The following RPA3 variants were observed in gnomAD, a reference collection of about 807,000 sequenced individuals.
RPA3 encodes replication protein A3, also known as replication protein A 14 kDa subunit.
RPA3 carries 24 observed loss-of-function variants against 13.7 expected under a neutral mutation model. The ratio of observed to expected loss-of-function variants is 1.75; its 90% CI spans 1.27 to 2.46. RPA3 has a LOEUF of 2.46. Among genes scored for constraint, RPA3 ranks in the 30% most tolerant of loss-of-function variants. The pLI is 0.00. For missense variants in RPA3, 183 were observed against 151.0 expected (o/e 1.21, Z -1.11); for synonymous variants, 59 against 51.2 (o/e 1.15, Z -0.65).
intron 4 of RPA3, among the ~76,000 whole-genome samples, chr7:7,672,152 G>A (rs28915991): frequency 2.5e-4 from 38 of 152,140 alleles, no homozygotes; most frequent in Middle Eastern, 3.2e-3. Context: ...TGAAATATAT[G>A]AAAACTAAAA....
intron 6 of RPA3, chr7:7,638,256 G>T: frequency 3.5e-6 from 1 of 282,412 alleles, no homozygotes; most frequent in Non-Finnish European, 6.9e-6. Context: ...TCTATAAGCA[G>T]TAATATCCTA....
chr7:7,656,279 C>CT (rs1785340024), intron 4 of RPA3, among the ~76,000 whole-genome samples: 1 of 152,028 alleles, frequency 6.6e-6, no homozygotes, highest in Non-Finnish European at 1.5e-5. Context: ...AAGTCTCTTG[C>CT]TGTTAGTAAA....
At chr7:7,669,569 T>A (rs568113390) in intron 4 of RPA3, among the ~76,000 whole-genome samples, 1 of 152,326 alleles carries the variant, frequency 6.6e-6, no homozygotes, top group African/African-American at 2.4e-5. Flanking sequence ...GATACATGGT[T>A]AGACTGACCT....
intron 4 of RPA3, among the ~76,000 whole-genome samples, chr7:7,659,564 C>T (rs1248647244): frequency 6.6e-6 from 1 of 152,022 alleles, no homozygotes; most frequent in African/African-American, 2.4e-5. Context: ...CGTTATTTAC[C>T]CAGTAGTCAT....
At position 7,637,094 on chromosome 7, in the gene RPA3, A is replaced by C. The variant is rs1255753944; in HGVS notation, c.284-12T>G. On this transcript the variant is annotated splice_polypyrimidine_tract_variant and intron_variant, in intron 7 of 7. Transcript: ENST00000223129. ...GTAAAGTCCAAGATCTGAAAGAAAC[A>C]TTTAAGCAAACATTTAATCTACAAT... 6.4e-7 allele frequency: 1 copy of C among 1,552,978 alleles called. No homozygotes were observed. The highest frequency in any genetic ancestry group is 8.9e-7 in the Non-Finnish European group (1 of 1,125,704).
intron 4 of RPA3, among the ~76,000 whole-genome samples, chr7:7,657,710 T>C (rs1785376473): frequency 6.6e-6 from 1 of 152,246 alleles, no homozygotes; most frequent in Non-Finnish European, 1.5e-5. Flanking sequence ...TTTTGGTTAC[T>C]GTAGTCTTGT....
At chr7:7,650,205 C>T (rs1000091289) in intron 4 of RPA3, among the ~76,000 whole-genome samples, 4 of 152,156 alleles carry the variant, frequency 2.6e-5, no homozygotes, top group African/African-American at 9.7e-5. Context: ...CCACAATTTA[C>T]GTTCTTGTAA....
intron 2 of RPA3, among the ~76,000 whole-genome samples, chr7:7,711,949 G>A (rs1054964559): frequency 1.3e-5 from 2 of 151,934 alleles, no homozygotes; most frequent in Non-Finnish European, 2.9e-5. Flanking sequence ...ATAGCGATCC[G>A]ATTTTAATTT....
At position 7,706,001 on chromosome 7, in the gene RPA3, T is replaced by C. The variant is rs28912698; in HGVS notation, c.-1028+9174A>G. 5.4e-4 allele frequency among the ~76,000 whole-genome samples: 82 copies of C among 152,288 alleles called. 2 individuals carry two copies. In the East Asian group the frequency reaches 0.015, roughly 28 times the overall value. ...AAAAGGTATGTGTACTCTATAATCTTTTATTAGAAATCTTTGTTGCTATTT... is the reference window on the plus strand; with the variant it reads ...AAAAGGTATGTGTACTCTATAATCTCTTATTAGAAATCTTTGTTGCTATTT... On this transcript the variant is annotated intron_variant, in intron 2 of 7. Coordinates refer to ENST00000223129, the MANE Select transcript of RPA3 (RefSeq NM_002947.5).
chr7:7,681,020 GA>G (rs1384279982), intron 4 of RPA3, among the ~76,000 whole-genome samples: 2 of 151,962 alleles, frequency 1.3e-5, no homozygotes, highest in African/African-American at 4.8e-5. Context: ...GTACATTACA[GA>G]AAAATAAATA....
At chr7:7,703,095 A>G (rs760907515) in intron 2 of RPA3, among the ~76,000 whole-genome samples, 5 of 152,196 alleles carry the variant, frequency 3.3e-5, no homozygotes, top group Admixed American at 6.5e-5. Flanking sequence ...CTTCCTTGCC[A>G]AACCTTCACT....
At chr7:7,711,956 AT>A (rs572913986) in intron 2 of RPA3, among the ~76,000 whole-genome samples, 2 of 151,200 alleles carry the variant, frequency 1.3e-5, no homozygotes, top group Admixed American at 6.6e-5. Context: ...TCCGATTTTA[AT>A]TTTTTTTTGT....
intron 2 of RPA3, among the ~76,000 whole-genome samples, chr7:7,697,810 G>C (rs1422367344): frequency 6.6e-6 from 1 of 151,986 alleles, no homozygotes; most frequent in East Asian, 1.9e-4. Flanking sequence ...ATGTACTCTT[G>C]GGTATCCATC....
At chr7:7,690,317 T>A (rs1247017931) in intron 2 of RPA3, among the ~76,000 whole-genome samples, 1 of 152,018 alleles carries the variant, frequency 6.6e-6, no homozygotes, top group Non-Finnish European at 1.5e-5. Flanking sequence ...GGAGAAAAAT[T>A]GAAGTGTATA....
At chr7:7,672,896 CT>C (rs1779642329) in intron 4 of RPA3, among the ~76,000 whole-genome samples, 1 of 152,150 alleles carries the variant, frequency 6.6e-6, no homozygotes, top group Non-Finnish European at 1.5e-5. Context: ...TGGCCTTAGT[CT>C]TATGAGGCTT....
At chr7:7,709,818 A>C (rs1209190650) in intron 2 of RPA3, among the ~76,000 whole-genome samples, 3 of 152,130 alleles carry the variant, frequency 2.0e-5, no homozygotes, top group Admixed American at 2.0e-4. Flanking sequence ...ATTCAGAATG[A>C]CAATGTGATG....
At chr7:7,645,676 T>C (rs958807716) in intron 4 of RPA3, among the ~76,000 whole-genome samples, 12 of 152,170 alleles carry the variant, frequency 7.9e-5, no homozygotes, top group African/African-American at 2.2e-4. Context: ...ATCAAATGCA[T>C]TTTTTGCCTT....
chr7:7,673,477 T>A, intron 4 of RPA3: 1 of 739,518 alleles, frequency 1.4e-6, no homozygotes, highest in Non-Finnish European at 2.4e-6. Context: ...AGAAACAAAA[T>A]AATTAGATGA....
intron 2 of RPA3, among the ~76,000 whole-genome samples, chr7:7,688,736 T>G (rs1442042631): frequency 6.6e-6 from 1 of 152,216 alleles, no homozygotes; most frequent in Non-Finnish European, 1.5e-5. Flanking sequence ...CCAATTATGT[T>G]GTAACCTCCT....
Sources: allele counts gnomAD v4.1 joint callset (sites outside exome capture counted in the v4.1 genomes callset), GRCh38; gene constraint gnomAD v4.1.1; transcripts MANE v1.5; gene names NCBI Gene and HGNC (gene_info 2026-07-23, HGNC 2026-07-21).